DNAH1: variants seen among roughly 807,000 people sequenced by gnomAD.
DNAH1 encodes dynein axonemal heavy chain 1.
In DNAH1, 327 loss-of-function variants were observed where a neutral mutation model predicts 484.3. The observed-to-expected ratio is 0.68, with a 90% CI of 0.62 to 0.74. DNAH1 has a LOEUF of 0.74. DNAH1 is among the 30% of genes least tolerant of loss of function. The pLI is 0.00. For missense variants in DNAH1, 5,052 were observed against 5,546.8 expected, an observed-to-expected ratio of 0.91 and a Z score of 2.83; for synonymous variants, 2,192 against 2,191.9, an observed-to-expected ratio of 1.00 and a Z score of 0.00.
At position 52,388,880 on chromosome 3, in the gene DNAH1, CATCTCCGGCG is replaced by C. The variant is rs766329517; in HGVS notation, c.9441_9450del (p.Ile3147MetfsTer44). 1.9e-6 allele frequency: 3 copies of C among 1,613,534 alleles called. No homozygotes were observed. Among genetic ancestry groups the C allele is most frequent in the Non-Finnish European group, 2.5e-6 (3 of 1,179,748 alleles). On this transcript the variant is annotated frameshift_variant, in exon 59 of 78. Transcript: ENST00000420323. LOFTEE classifies it high-confidence loss of function. Reference sequence around the variant, plus strand: ...AGAACCTGCAGTACATGCTCAACAACATCTCCGGCGATGTCCTGGTGGCCGCTGGCTTTGT... The same window carrying C: ...AGAACCTGCAGTACATGCTCAACAACATGTCCTGGTGGCCGCTGGCTTTGT...
chr3:52,318,862 G>C (rs1421305129), intron 1 of DNAH1, among the ~76,000 whole-genome samples: 1 of 152,246 alleles, frequency 6.6e-6, no homozygotes, highest in Non-Finnish European at 1.5e-5. Context: ...TAAAGTCGCA[G>C]ATCCATTTGT....
At chr3:52,385,126 CA>C in intron 53 of DNAH1, 149 bp downstream of exon 53, 1 of 1,128,658 alleles carries the variant, frequency 8.9e-7, no homozygotes, top group Non-Finnish European at 1.2e-6. Context: ...ATCAAAAGAA[CA>C]AAAGTTGCCA....
chr3:52,385,821 A>T (rs1176948929), intron 54 of DNAH1, among the ~76,000 whole-genome samples: 2 of 152,256 alleles, frequency 1.3e-5, no homozygotes, highest in Non-Finnish European at 2.9e-5. Flanking sequence ...CCTGCTCGGC[A>T]AAGTCAGTGC....
Position 52,331,182 on chromosome 3 carries a change from G to A in DNAH1, c.906G>A (p.Trp302Ter), listed in dbSNP as rs1701531039. 6.2e-7 allele frequency: 1 copy of A among 1,603,496 alleles called. No homozygotes were observed. Residue 302 changes from tryptophan to a stop codon, truncating the protein, a stop_gained, in exon 7 of 78, where the codon TGG (tryptophan) becomes TGA (stop). Coordinates refer to ENST00000420323, the MANE Select transcript of DNAH1 (RefSeq NM_015512.5). LOFTEE classifies it high-confidence loss of function. ...AGAGTCAGAAGCTGAAGTACAAATG[G>A]TGCGAGGTCGGCGTCCTGGACTACG... ...DPKSQKLKYK[W>*]CEVGVLDYDE...
rs909806284 is a variant in DNAH1, at chr3:52,355,124, TG to T, written c.3693+70del. 2 of 1,492,602 alleles carry T rather than the reference TG, an allele frequency of 1.3e-6. No individual in the cohort carries two copies. The highest frequency in any genetic ancestry group is 2.8e-5 in the African/African-American group (2 of 72,578). The allele number at this position is 1,492,602 out of a possible 1,614,324, so 92.5% of individuals were successfully genotyped here. A position where few individuals can be genotyped will look rare whatever the true frequency, so the allele number is the denominator to read the frequency against. On this transcript the variant is annotated intron_variant, in intron 21 of 77. Coordinates refer to ENST00000420323, the MANE Select transcript of DNAH1 (RefSeq NM_015512.5). This position sits in a 1 kb window ranked among gnomAD's most constrained non-coding sequence, Gnocchi z 4.5. The stretch of plus-strand genomic sequence containing the variant: ...AGAGAGCCCGACCCACAGGTGTCAC[TG>T]ATGGTCTCCGGGTGGGGTTCAAAGC...
At position 52,399,126 on chromosome 3, in the gene DNAH1, T is replaced by G; in HGVS notation, c.12366T>G (p.Ala4122=). The G allele has an allele frequency of 1.2e-6, 2 of 1,614,050 alleles. No homozygotes were observed. The highest frequency in any genetic ancestry group is 1.7e-6 in the Non-Finnish European group (2 of 1,179,894). The change falls in exon 76 of 78, where the codon GCT becomes GCG. Residue 4122 remains alanine, a synonymous_variant. Transcript: ENST00000420323. ...FWISGFFFPQ[A]FLTGTLQNFA... is the part of the protein sequence containing the mutation. ...TCAGTGGATTCTTCTTCCCCCAGGC[T>G]TTCTTAACAGGCACTCTGCAGAATT...
chr3:52,346,234 G>T (rs958559421), intron 10 of DNAH1, among the ~76,000 whole-genome samples: 1 of 152,192 alleles, frequency 6.6e-6, no homozygotes, highest in Non-Finnish European at 1.5e-5. Context: ...TGCTTCTGCT[G>T]TCCTGTCCTC....
At position 52,383,854 on chromosome 3, in the gene DNAH1, T is replaced by C. The variant is rs369534031; in HGVS notation, c.8151-6T>C. ...CTGGACCTCATTTGGATTCCTGACT[T>C]TCCAGCCCCATCGGAGAGGTCTTCC... On this transcript the variant is annotated splice_polypyrimidine_tract_variant and splice_region_variant and intron_variant, in intron 51 of 77. Coordinates refer to ENST00000420323, the MANE Select transcript of DNAH1 (RefSeq NM_015512.5). The C allele has an allele frequency of 1.5e-5, 24 of 1,584,040 alleles. No homozygotes were observed. The highest frequency in any genetic ancestry group is 2.1e-5 in the Non-Finnish European group (24 of 1,161,512).
chr3:52,356,763 C>G lies in DNAH1; in HGVS notation c.3843C>G (p.Ala1281=). 1.2e-6 allele frequency: 2 copies of G among 1,608,300 alleles called. No individual in the cohort carries two copies. The highest frequency in any genetic ancestry group is 1.7e-6 in the Non-Finnish European group (2 of 1,177,232). ...TCTGGAAGAAGATCATGAAGAATGC[C>G]TACGAGAACCGGGAGGCAAGCTCAA... ...ERIWKKIMKN[A]YENREVINVC... is the part of the protein sequence containing the mutation. Residue 1281 remains alanine, a synonymous_variant, in exon 22 of 78, where the codon GCC becomes GCG. Transcript: ENST00000420323.
chr3:52,356,523 G>A, intron 21 of DNAH1, 91 bp from the exon 22 acceptor site: 1 of 1,347,806 alleles, frequency 7.4e-7, no homozygotes. Context: ...CCAACATGCT[G>A]GTGGGGTGAA....
chr3:52,360,177 T>C, intron 27 of DNAH1, 98 bp downstream of exon 27: 1 of 1,564,534 alleles, frequency 6.4e-7, no homozygotes, highest in East Asian at 2.2e-5. Context: ...TCTCTGTCCT[T>C]GAGGTTCTGG....
chr3:52,370,204 T>C lies in DNAH1; in HGVS notation c.6233T>C (p.Phe2078Ser), dbSNP rs779321462. The C allele has an allele frequency of 1.9e-6, 3 of 1,613,970 alleles. No homozygotes were observed. The highest frequency in any genetic ancestry group is 2.5e-6 in the Non-Finnish European group (3 of 1,179,866). ...TMSLLKLLDC[F>S]FKPFLPREGL... ...AGCCTCCTCAAGCTGCTGGACTGCT[T>C]CTTCAAGCCCTTTCTGCCTAGAGAG... is the stretch of plus-strand genomic sequence containing the variant. Residue 2078 changes from phenylalanine to serine, a missense_variant, in exon 39 of 78, where the codon TTC (phenylalanine) becomes TCC (serine). Coordinates refer to ENST00000420323, the MANE Select transcript of DNAH1 (RefSeq NM_015512.5).
At position 52,395,198 on chromosome 3, in the gene DNAH1, C is replaced by G. The variant is rs1368533784; in HGVS notation, c.10969-110C>G. ...TCCCTAAAGGCTCTGAGGTTCCAGCCCCCACCAGGAAGCCCACTGGGGACC... is the reference window on the plus strand; with the variant it reads ...TCCCTAAAGGCTCTGAGGTTCCAGCGCCCACCAGGAAGCCCACTGGGGACC... On this transcript the variant is annotated intron_variant, in intron 68 of 77. Transcript: ENST00000420323. This position sits in a 1 kb window ranked among gnomAD's most constrained non-coding sequence, Gnocchi z 4.4. The G allele has an allele frequency of 5.4e-6, 8 of 1,491,696 alleles. No homozygotes were observed. In the African/African-American group the frequency reaches 8.4e-5, roughly 16 times the overall value. The allele number at this position is 1,491,696 out of a possible 1,614,324, so 92.4% of individuals were successfully genotyped here.
rs1272436495 is a variant in DNAH1 at position 52,379,015 on chromosome 3, CGAGG to C, written c.7377+239_7377+242del. Among the ~76,000 whole-genome samples the C allele has an allele frequency of 3.3e-5, 5 of 152,232 alleles. No homozygotes were observed. The highest frequency in any genetic ancestry group is 2.1e-4 in the South Asian group (1 of 4,828). ...ATCACATGAGAGAGCCAGGGCAAGA[CGAGG>C]GAGAAAGAGGGCTTCTGGTTTGGGC... On this transcript the variant is annotated intron_variant, in intron 47 of 77. Transcript: ENST00000420323. This position sits in a 1 kb window ranked among gnomAD's most constrained non-coding sequence, Gnocchi z 4.4.
Position 52,322,450 on chromosome 3 carries a change from A to G in DNAH1, c.8A>G (p.Gln3Arg), listed in dbSNP as rs765086911. The change falls in exon 2 of 78, where the codon CAG (glutamine) becomes CGG (arginine). Residue 3 changes from glutamine (Q) to arginine (R), a missense_variant. Transcript: ENST00000420323. MEQPNSKGYSLGR... is the reference protein window; with the variant it reads MERPNSKGYSLGR... Reference sequence around the variant, plus strand: ...ATCTCCCTGAGAAGCAGCATGGAGCAGCCTAACAGTAAAGGCTATAGCCTG... The same window carrying G: ...ATCTCCCTGAGAAGCAGCATGGAGCGGCCTAACAGTAAAGGCTATAGCCTG... 1.1e-5 allele frequency: 17 copies of G among 1,606,544 alleles called. No homozygotes were observed. The highest frequency in any genetic ancestry group is 1.4e-5 in the Non-Finnish European group (17 of 1,177,860).
chr3:52,395,367 G>A lies in DNAH1; in HGVS notation c.11028G>A (p.Val3676=). The change falls in exon 69 of 78, where the codon GTG becomes GTA. Residue 3676 remains valine (V), a synonymous_variant. Transcript: ENST00000420323. This position sits in a 1 kb window ranked among gnomAD's most constrained non-coding sequence, Gnocchi z 4.4. ...DSNSTTPLIF[V]LSPGTDPAAD... is the part of the protein sequence containing the mutation. Reference sequence around the variant, plus strand: ...ACTCCACCACACCCCTCATCTTTGTGCTGTCACCCGGCACAGACCCTGCTG... The same window carrying A: ...ACTCCACCACACCCCTCATCTTTGTACTGTCACCCGGCACAGACCCTGCTG... 1 of 1,613,820 alleles carries A rather than the reference G, an allele frequency of 6.2e-7. No homozygotes were observed. The highest frequency in any genetic ancestry group is 8.5e-7 in the Non-Finnish European group (1 of 1,179,860).
At chr3:52,370,693 T>A in intron 40 of DNAH1, 25 bp from the exon 41 acceptor site, 2 of 1,596,962 alleles carry the variant, frequency 1.3e-6, no homozygotes, top group Non-Finnish European at 1.7e-6. Flanking sequence ...CCTCACAGCC[T>A]GCTTCTCCTC....
Position 52,364,819 on chromosome 3 carries a change from G to A in DNAH1, c.5332-14G>A, listed in dbSNP as rs375828810. 7.5e-4 allele frequency: 1,210 copies of A among 1,610,956 alleles called. 16 individuals carry two copies. The South Asian group carries it at 9.3e-3, about 12-fold the overall frequency. On this transcript the variant is annotated splice_polypyrimidine_tract_variant and intron_variant, in intron 33 of 77. Coordinates refer to ENST00000420323, the MANE Select transcript of DNAH1 (RefSeq NM_015512.5). This position sits in a 1 kb window ranked among gnomAD's most constrained non-coding sequence, Gnocchi z 4.2. Reference sequence around the variant, plus strand: ...GGCCCACTGCCCTGAAGGCTCAGCCGGCACCTGCTGCAGGAGCTGATCTGC... The same window carrying A: ...GGCCCACTGCCCTGAAGGCTCAGCCAGCACCTGCTGCAGGAGCTGATCTGC...
chr3:52,323,957 C>CAAGAAAAGG, intron 3 of DNAH1, 77 bp downstream of exon 3: 2 of 1,146,546 alleles, frequency 1.7e-6, no homozygotes, highest in Non-Finnish European at 2.5e-6. Flanking sequence ...GGGAGACAGC[C>CAAGAAAAGG]TTTTCTTGGC....
Sources: allele counts gnomAD v4.1 joint callset (sites outside exome capture counted in the v4.1 genomes callset), GRCh38; gene constraint gnomAD v4.1.1; non-coding constraint Gnocchi (gnomAD v3.1); transcripts MANE v1.5; gene names NCBI Gene and HGNC (gene_info 2026-07-23, HGNC 2026-07-21).